The following TRMT1L variants were observed in gnomAD, a reference collection of about 807,000 sequenced individuals.
TRMT1L encodes tRNA methyltransferase 1L.
In TRMT1L, 28 loss-of-function variants were observed where a neutral mutation model predicts 81.6. That is an observed-to-expected ratio of 0.34 (90% CI 0.25 to 0.47). The LOEUF (loss-of-function observed/expected upper bound fraction) is 0.47, where lower values mean the gene tolerates loss of function less well. TRMT1L is among the 20% of genes least tolerant of loss of function. The pLI is 1.00. For synonymous variants in TRMT1L, 301 were observed against 303.2 expected (o/e 0.99, Z 0.07); for missense variants, 739 against 877.1 (o/e 0.84, Z 1.99).
chr1:185,145,030 G>A (rs1057104853), intron 5 of TRMT1L, among the ~76,000 whole-genome samples: 1 of 151,702 alleles, frequency 6.6e-6, no homozygotes, highest in Non-Finnish European at 1.5e-5. Context: ...TTCTTGAGAA[G>A]GGATCTCTAA....
chr1:185,153,325 T>A (rs1653412441), intron 1 of TRMT1L, among the ~76,000 whole-genome samples: 1 of 152,192 alleles, frequency 6.6e-6, no homozygotes, highest in Non-Finnish European at 1.5e-5. Context: ...TAGATAGATA[T>A]AATCTGGTAG....
upstream of TRMT1L, chr1:185,156,964 C>G: frequency 1.8e-6 from 1 of 559,084 alleles, no homozygotes. Context: ...GACGCCACCA[C>G]AAACTGCGCA....
At chr1:185,123,438 G>A (rs1340181141) in intron 13 of TRMT1L, among the ~76,000 whole-genome samples, 2 of 152,022 alleles carry the variant, frequency 1.3e-5, no homozygotes, top group Non-Finnish European at 2.9e-5. Context: ...TATATGAAAG[G>A]CCATATAATA....
rs1229369263 is a variant in TRMT1L at position 185,156,459 on chromosome 1, C to G, written c.235+19G>C. 1.2e-6 allele frequency: 2 copies of G among 1,613,838 alleles called. No homozygotes were observed. Among genetic ancestry groups the G allele is most frequent in the East Asian group, 2.2e-5 (1 of 44,878 alleles). ...TTTCTCTCTTCTGCAGCAGAAAGATCTGGGCCTTCTGCACTTACTGCTTTT... is the reference window on the plus strand; with the variant it reads ...TTTCTCTCTTCTGCAGCAGAAAGATGTGGGCCTTCTGCACTTACTGCTTTT... On this transcript the variant is annotated intron_variant, in intron 1 of 14. Coordinates refer to ENST00000367506, the MANE Select transcript of TRMT1L (RefSeq NM_030934.5).
At chr1:185,140,733 C>T (rs559870631) in intron 7 of TRMT1L, among the ~76,000 whole-genome samples, 43 of 151,664 alleles carry the variant, frequency 2.8e-4, no homozygotes, top group Non-Finnish European at 5.0e-4. Context: ...AATCTCTGCA[C>T]TTTGGGAGGC....
intron 10 of TRMT1L, among the ~76,000 whole-genome samples, chr1:185,131,268 G>C (rs763505439): frequency 6.6e-6 from 1 of 152,006 alleles, no homozygotes; most frequent in African/African-American, 2.4e-5. Context: ...CAAAGTGCTG[G>C]GATTACAGCC....
chr1:185,149,452 G>A (rs971127367), intron 3 of TRMT1L, among the ~76,000 whole-genome samples: 1 of 151,922 alleles, frequency 6.6e-6, no homozygotes, highest in African/African-American at 2.4e-5. Flanking sequence ...ACAGGCACAG[G>A]CCACCTCGCC....
At position 185,124,964 on chromosome 1, in the gene TRMT1L, G is replaced by T. The variant is rs1257255833; in HGVS notation, c.1739C>A (p.Ser580Tyr). 1 of 1,610,772 alleles carries T rather than the reference G, an allele frequency of 6.2e-7. No individual in the cohort carries two copies. Among genetic ancestry groups the T allele is most frequent in the East Asian group, 2.2e-5 (1 of 44,742 alleles). Residue 580 changes from serine (S) to tyrosine (Y), a missense_variant, in exon 12 of 15, where the codon TCT becomes TAT. By Grantham distance (144) the Ser-to-Tyr change is moderately radical. Around this residue, in one of 4 missense-constraint regions of TRMT1L, gnomAD observed 196 missense variants for 232.6 expected, o/e 0.84. Transcript: ENST00000367506. ...GTCACCTTGCTTGTTGACATTTGAAGATGCATGAATTGAAAACTGACTTTG... is the reference window on the plus strand; with the variant it reads ...GTCACCTTGCTTGTTGACATTTGAATATGCATGAATTGAAAACTGACTTTG... ...TPQSQFSIHASSNVNKQEENG... is the reference protein window; with the variant it reads ...TPQSQFSIHAYSNVNKQEENG...
In TRMT1L at chr1:185,121,707, G is replaced by A. The variant is rs550301071; in HGVS notation, c.1823-1198C>T. Among the ~76,000 whole-genome samples the A allele has an allele frequency of 2.6e-5, 4 of 152,030 alleles. No individual in the cohort carries two copies. In the East Asian group the frequency reaches 5.8e-4, roughly 22 times the overall value. ...GAGCATCTGAGGCAAAAAATCTGAT[G>A]TAATACGTTAATAGTGAGTATCATC... On this transcript the variant is annotated intron_variant, in intron 13 of 14. Transcript: ENST00000367506.
At chr1:185,143,317 A>T (rs758543326) in intron 7 of TRMT1L, 40 bp downstream of exon 7, 130 of 1,509,356 alleles carry the variant, frequency 8.6e-5, no homozygotes, top group Non-Finnish European at 1.1e-4. Flanking sequence ...TGTAAAATTG[A>T]ATAAATAAAA....
intron 5 of TRMT1L, 60 bp from the exon 6 acceptor site, chr1:185,144,089 T>C (rs1653122143): frequency 1.4e-6 from 2 of 1,428,598 alleles, no homozygotes; most frequent in South Asian, 2.7e-5. Flanking sequence ...AACAAAAGAT[T>C]TCCAAGAAAA....
At position 185,147,060 on chromosome 1, in the gene TRMT1L, CAG is replaced by C. The variant is rs1653206497; in HGVS notation, c.525+120_525+121del. On this transcript the variant is annotated intron_variant, in intron 4 of 14. Coordinates refer to ENST00000367506, the MANE Select transcript of TRMT1L (RefSeq NM_030934.5). ...CCCATTATGATAATCTGAAAGGACTCAGAGAATTTTAAAGTAAACCACACTGC... is the reference window on the plus strand; with the variant it reads ...CCCATTATGATAATCTGAAAGGACTCAGAATTTTAAAGTAAACCACACTGC... The C allele has an allele frequency of 9.5e-6, 5 of 526,840 alleles. No homozygotes were observed. The South Asian group carries it at 1.4e-4, about 14-fold the overall frequency. 32.6% of individuals were successfully genotyped at this position (526,840 alleles called of 1,614,324 possible).
chr1:185,124,878 A>G, intron 12 of TRMT1L, 66 bp downstream of exon 12: 1 of 1,410,842 alleles, frequency 7.1e-7, no homozygotes. Context: ...ATCAAATACA[A>G]TTGAAAAAGA....
At chr1:185,135,698 A>G (rs1652884168) in intron 10 of TRMT1L, among the ~76,000 whole-genome samples, 1 of 151,990 alleles carries the variant, frequency 6.6e-6, no homozygotes, top group Non-Finnish European at 1.5e-5. Flanking sequence ...AAAAAAAATC[A>G]GTTTTTCAAT....
Position 185,156,751 on chromosome 1 carries a change from A to G in TRMT1L, c.-39T>C, listed in dbSNP as rs1653610981. 6.2e-7 allele frequency: 1 copy of G among 1,610,232 alleles called. No homozygotes were observed. Among genetic ancestry groups the G allele is most frequent in the Non-Finnish European group, 8.5e-7 (1 of 1,178,786 alleles). On this transcript the variant is annotated 5_prime_UTR_variant, in exon 1 of 15. Coordinates refer to ENST00000367506, the MANE Select transcript of TRMT1L (RefSeq NM_030934.5). ...GTGCCAAGCCCGCCCGGGGACCCGG[A>G]GCGGGGCTCACGGCGGGGTCAGAGA...
intron 12 of TRMT1L, 175 bp downstream of exon 12, chr1:185,124,769 A>C: frequency 2.0e-6 from 1 of 497,184 alleles, no homozygotes; most frequent in African/African-American, 2.0e-5. Flanking sequence ...TACAAGCCTG[A>C]ATAAAACTAT....
intron 4 of TRMT1L, among the ~76,000 whole-genome samples, chr1:185,146,633 C>A (rs1428890762): frequency 1.3e-5 from 2 of 151,960 alleles, no homozygotes; most frequent in Non-Finnish European, 2.9e-5. Flanking sequence ...ACTCATTACG[C>A]CAATATGCAT....
intron 11 of TRMT1L, among the ~76,000 whole-genome samples, chr1:185,127,214 T>C (rs879644172): frequency 8.5e-5 from 13 of 152,152 alleles, no homozygotes; most frequent in Non-Finnish European, 1.8e-4. Context: ...AATCAGTGAG[T>C]AGGATCAATG....
intron 5 of TRMT1L, 108 bp from the exon 6 acceptor site, chr1:185,144,137 C>A: frequency 8.8e-7 from 1 of 1,131,528 alleles, no homozygotes; most frequent in Non-Finnish European, 1.2e-6. Context: ...AATAAATATA[C>A]ATTTTGAAAA....
Sources: gnomAD v4.1 joint callset for allele counts (sites outside exome capture counted in the v4.1 genomes callset) on GRCh38, gnomAD v4.1.1 for gene constraint, gnomAD v4.1.1 regional missense constraint, MANE v1.5 for transcripts, NCBI Gene and HGNC (gene_info 2026-07-23, HGNC 2026-07-21) for gene names.